Variants in ATP8A2 observed in about 807,000 individuals in gnomAD.
ATP8A2 encodes the protein ATPase phospholipid transporting 8A2, also known as phospholipid-transporting ATPase IB.
Under a neutral mutation model 165.6 loss-of-function variants are expected in ATP8A2, and 100 were observed. The observed-to-expected ratio is 0.60, with a 90% CI of 0.51 to 0.71. The LOEUF is 0.71. ATP8A2 is among the 30% of genes least tolerant of loss of function. ATP8A2 has a pLI of 0.00. For synonymous variants in ATP8A2, 543 were observed against 548.8 expected, an observed-to-expected ratio of 0.99 and a Z score of 0.15; for missense variants, 1,227 against 1,479.5, an observed-to-expected ratio of 0.83 and a Z score of 2.80.
chr13:25,503,795 G>C (rs1309507734), intron 2 of ATP8A2, among the ~76,000 whole-genome samples: 2 of 152,152 alleles, frequency 1.3e-5, no homozygotes, highest in East Asian at 3.9e-4. Flanking sequence ...GGCAAGTTTG[G>C]TGTGGCATGT....
intron 27 of ATP8A2, among the ~76,000 whole-genome samples, chr13:25,807,256 C>G (rs184960430): frequency 6.6e-6 from 1 of 151,610 alleles, no homozygotes; most frequent in African/African-American, 2.4e-5. Context: ...TAAAAAATTA[C>G]TGCCTAGCCC....
intron 36 of ATP8A2, among the ~76,000 whole-genome samples, chr13:26,015,914 A>G: frequency 6.6e-6 from 1 of 152,170 alleles, no homozygotes; most frequent in South Asian, 2.1e-4. Context: ...AATGACAGTT[A>G]AAGGTTCATT....
chr13:25,702,692 A>G (rs1189837343), intron 25 of ATP8A2, among the ~76,000 whole-genome samples: 1 of 152,184 alleles, frequency 6.6e-6, no homozygotes, highest in African/African-American at 2.4e-5. Context: ...TGCATCTCAC[A>G]TACATCCCAA....
chr13:25,716,251 C>CA (rs1342606391), intron 25 of ATP8A2, among the ~76,000 whole-genome samples: 1 of 152,066 alleles, frequency 6.6e-6, no homozygotes, highest in Non-Finnish European at 1.5e-5. Flanking sequence ...ACATGATTTG[C>CA]AAAAAATTTT....
At chr13:25,706,809 T>A (rs1045794069) in intron 25 of ATP8A2, among the ~76,000 whole-genome samples, 2 of 152,178 alleles carry the variant, frequency 1.3e-5, no homozygotes, top group Non-Finnish European at 2.9e-5. Context: ...TGATTGTGGC[T>A]TAGTATATAT....
At chr13:25,707,265 A>G (rs2043072548) in intron 25 of ATP8A2, among the ~76,000 whole-genome samples, 1 of 152,200 alleles carries the variant, frequency 6.6e-6, no homozygotes, top group South Asian at 2.1e-4. Flanking sequence ...AATTTTGATG[A>G]TAGCACATTT....
At chr13:25,587,359 C>T (rs1018329119) in intron 23 of ATP8A2, among the ~76,000 whole-genome samples, 1 of 152,110 alleles carries the variant, frequency 6.6e-6, no homozygotes, top group Non-Finnish European at 1.5e-5. Flanking sequence ...CCTGTTTCTT[C>T]TCAGAAGCCT....
At chr13:25,409,414 T>C (rs1198814688) in intron 1 of ATP8A2, among the ~76,000 whole-genome samples, 1 of 152,132 alleles carries the variant, frequency 6.6e-6, no homozygotes, top group Non-Finnish European at 1.5e-5. Context: ...ATTCCAAATA[T>C]CATAGCAAAT....
chr13:25,923,030 T>A (rs1336803085), intron 33 of ATP8A2, among the ~76,000 whole-genome samples: 9 of 152,156 alleles, frequency 5.9e-5, no homozygotes. Flanking sequence ...AAGGGACAAG[T>A]GGGGTTAAAT....
chr13:25,835,263 AT>A (rs548990840), intron 28 of ATP8A2, among the ~76,000 whole-genome samples: 26 of 152,216 alleles, frequency 1.7e-4, no homozygotes, highest in African/African-American at 6.0e-4. Flanking sequence ...AAAACAAACA[AT>A]TTTTGTTGTT....
chr13:25,832,969 A>C (rs569493553), intron 28 of ATP8A2, among the ~76,000 whole-genome samples: 8 of 152,270 alleles, frequency 5.3e-5, no homozygotes, highest in African/African-American at 1.9e-4. Context: ...AAGAAAAAAC[A>C]GTAGATAAAT....
At chr13:26,017,206 C>T (rs1440512861) in intron 36 of ATP8A2, among the ~76,000 whole-genome samples, 1 of 151,534 alleles carries the variant, frequency 6.6e-6, no homozygotes, top group Non-Finnish European at 1.5e-5. Flanking sequence ...GACTGAGGAG[C>T]AGCCCCGGGA....
At chr13:25,841,416 G>A (rs1249448615) in intron 30 of ATP8A2, among the ~76,000 whole-genome samples, 4 of 152,076 alleles carry the variant, frequency 2.6e-5, no homozygotes, top group African/African-American at 9.7e-5. Flanking sequence ...TTCAGCATAG[G>A]GGTTTTCTTT....
At chr13:25,602,247 A>AT (rs1485036801) in intron 24 of ATP8A2, among the ~76,000 whole-genome samples, 2 of 152,176 alleles carry the variant, frequency 1.3e-5, no homozygotes, top group African/African-American at 4.8e-5. Context: ...ATTATAAAAC[A>AT]TTTTTTCTTA....
At chr13:25,868,978 T>C (rs1046906466) in intron 33 of ATP8A2, among the ~76,000 whole-genome samples, 1 of 139,862 alleles carries the variant, frequency 7.1e-6, no homozygotes, top group African/African-American at 2.7e-5. Flanking sequence ...CTGAGGCAGG[T>C]GAATGGCATG....
chr13:25,815,623 T>C (rs1410311388), intron 27 of ATP8A2, among the ~76,000 whole-genome samples: 1 of 152,214 alleles, frequency 6.6e-6, no homozygotes. Flanking sequence ...AAAGATAGTA[T>C]TGCTGTACCT....
At chr13:25,560,018 A>T (rs1027906383) in intron 15 of ATP8A2, among the ~76,000 whole-genome samples, 6 of 151,994 alleles carry the variant, frequency 3.9e-5, no homozygotes, top group Non-Finnish European at 7.4e-5. Flanking sequence ...TGTAGAGATG[A>T]GGTCTCACTA....
intron 33 of ATP8A2, among the ~76,000 whole-genome samples, chr13:25,958,738 G>A (rs1353084547): frequency 1.3e-5 from 2 of 152,180 alleles, no homozygotes; most frequent in Non-Finnish European, 2.9e-5. Context: ...AGTTATGTGT[G>A]TCACATTCAC....
At chr13:25,872,522 G>A (rs1952706637) in intron 33 of ATP8A2, among the ~76,000 whole-genome samples, 1 of 152,174 alleles carries the variant, frequency 6.6e-6, no homozygotes, top group African/African-American at 2.4e-5. Context: ...GGAGTAGGAA[G>A]GGACTTTGTC....
Sources: allele counts gnomAD v4.1 joint callset (sites outside exome capture counted in the v4.1 genomes callset), GRCh38; gene constraint gnomAD v4.1.1; transcripts MANE v1.5; gene names NCBI Gene and HGNC (gene_info 2026-07-23, HGNC 2026-07-21).